The following PIGU variants were observed in gnomAD, a reference collection of about 807,000 sequenced individuals.
PIGU encodes GPI-anchor transamidase component PIGU.
In PIGU, 24 loss-of-function variants were observed where a neutral mutation model predicts 49.9. That is an observed-to-expected ratio of 0.48 (90% CI 0.35 to 0.68). The LOEUF is 0.68. Ranked by LOEUF, PIGU falls within the 30% of genes least tolerant of loss-of-function variation. PIGU has a pLI of 0.01. For synonymous variants in PIGU, 220 were observed against 205.7 expected (o/e 1.07, Z -0.59); for missense variants, 490 against 532.6 (o/e 0.92, Z 0.79).
intron 7 of PIGU, among the ~76,000 whole-genome samples, chr20:34,595,095 C>CAAAAAAAAAAAAAAAAAAA (rs71194627): frequency 2.8e-5 from 2 of 71,334 alleles, no homozygotes; most frequent in African/African-American, 5.7e-5. Context: ...GACTCCGTCT[C>CAAAAAAAAAAAAAAAAAAA]AAAAAAAAAA....
At chr20:34,642,974 AAG>A (rs1431890740) in intron 4 of PIGU, among the ~76,000 whole-genome samples, 2 of 151,794 alleles carry the variant, frequency 1.3e-5, no homozygotes, top group Non-Finnish European at 2.9e-5. Context: ...TATTTCGGAG[AAG>A]AGAACAGTCA....
intron 6 of PIGU, among the ~76,000 whole-genome samples, chr20:34,624,683 C>G (rs1985387381): frequency 6.6e-6 from 1 of 152,210 alleles, no homozygotes; most frequent in African/African-American, 2.4e-5. Flanking sequence ...TTTTAATTAG[C>G]TCACTGAAAG....
intron 1 of PIGU, among the ~76,000 whole-genome samples, chr20:34,666,042 C>T (rs1987079942): frequency 6.6e-6 from 1 of 152,054 alleles, no homozygotes; most frequent in African/African-American, 2.4e-5. Context: ...AAAAATTAGC[C>T]AGGCATGGTG....
Position 34,563,328 on chromosome 20 carries a change from G to A in PIGU, c.1195-2349C>T, listed in dbSNP as rs562715769. Among the ~76,000 whole-genome samples, 247 of 152,288 alleles carry A rather than the reference G, an allele frequency of 1.6e-3. 2 individuals are homozygous for A. Among genetic ancestry groups the A allele is most frequent in the Non-Finnish European group, 2.3e-3 (156 of 68,030 alleles). ...CATGCCTGTAATCCCAGCACTTTGGGAGGCCGAAGCAGGCGGATCACCTGA... is the reference window on the plus strand; with the variant it reads ...CATGCCTGTAATCCCAGCACTTTGGAAGGCCGAAGCAGGCGGATCACCTGA... On this transcript the variant is annotated intron_variant, in intron 11 of 11. Transcript: ENST00000217446.
intron 7 of PIGU, among the ~76,000 whole-genome samples, chr20:34,590,543 G>C (rs958779725): frequency 6.6e-6 from 1 of 151,540 alleles, no homozygotes; most frequent in African/African-American, 2.4e-5. Context: ...CTGGGCAACA[G>C]AGCGAGACTC....
intron 11 of PIGU, among the ~76,000 whole-genome samples, chr20:34,569,014 G>A (rs911602843): frequency 4.6e-5 from 7 of 151,952 alleles, no homozygotes; most frequent in Non-Finnish European, 7.4e-5. Context: ...GTTCGAGCTC[G>A]TAACAACATA....
At chr20:34,575,315 C>T in intron 10 of PIGU, 69 bp from the exon 11 acceptor site, 1 of 1,553,506 alleles carries the variant, frequency 6.4e-7, no homozygotes, top group Non-Finnish European at 8.7e-7. Context: ...CTGCAATGGC[C>T]CCCCTGAATG....
At chr20:34,643,950 AC>A (rs1478216351) in intron 4 of PIGU, 1 of 423,482 alleles carries the variant, frequency 2.4e-6, no homozygotes, top group Non-Finnish European at 4.5e-6. Flanking sequence ...TTAATAAGCT[AC>A]ATAGATGAAG....
At chr20:34,608,808 C>T (rs1449844863) in intron 7 of PIGU, among the ~76,000 whole-genome samples, 1 of 152,156 alleles carries the variant, frequency 6.6e-6, no homozygotes, top group Non-Finnish European at 1.5e-5. Flanking sequence ...GGCCTAAACA[C>T]CATGATTCAC....
rs148128767 is a variant in PIGU, at chr20:34,581,609, C to G, written c.990G>C (p.Pro330=). The change falls in exon 10 of 12, where the codon CCG becomes CCC. Residue 330 remains proline (P), a synonymous_variant. Transcript: ENST00000217446. ...IAVIAIFKSY[P]TVGDVALYMA... ...TGTAGAGCGCCACGTCCCCCACTGT[C>G]GGGTAGGACTTAAAGATGGCGATGA... 6.2e-7 allele frequency: 1 copy of G among 1,613,900 alleles called. No individual in the cohort carries two copies. The highest frequency in any genetic ancestry group is 8.5e-7 in the Non-Finnish European group (1 of 1,179,940).
chr20:34,606,152 G>A (rs1984603097), intron 7 of PIGU, among the ~76,000 whole-genome samples: 1 of 151,732 alleles, frequency 6.6e-6, no homozygotes, highest in Non-Finnish European at 1.5e-5. Flanking sequence ...CTACTTGGGA[G>A]GCTGAGGCAG....
intron 2 of PIGU, among the ~76,000 whole-genome samples, chr20:34,648,081 C>T (rs1986414776): frequency 6.6e-6 from 1 of 151,928 alleles, no homozygotes; most frequent in Admixed American, 6.6e-5. Flanking sequence ...GGAACCCTGC[C>T]TCTACAAAAT....
chr20:34,660,050 A>G (rs1233898777), intron 1 of PIGU, among the ~76,000 whole-genome samples: 1 of 141,084 alleles, frequency 7.1e-6, no homozygotes, highest in Non-Finnish European at 1.5e-5. Context: ...ATGATCAATA[A>G]AAAAAAAAAA....
chr20:34,645,316 G>A lies in PIGU; in HGVS notation c.214C>T (p.Leu72Phe). ...GCATAGTCAATTAGGAAATGAAAGA[G>A]GTATATTATTAATGGAGTCTGCAGA... ...VFHETPLIIY[L>F]FHFLIDYAEL... Residue 72 changes from leucine to phenylalanine, a missense_variant, in exon 3 of 12, where the codon CTC (leucine) becomes TTC (phenylalanine). By Grantham distance (22) the Leu-to-Phe change is conservative. Transcript: ENST00000217446. 1 of 1,571,410 alleles carries A rather than the reference G, an allele frequency of 6.4e-7. No homozygotes were observed. Among genetic ancestry groups the A allele is most frequent in the Non-Finnish European group, 8.6e-7 (1 of 1,165,114 alleles).
intron 7 of PIGU, among the ~76,000 whole-genome samples, chr20:34,604,914 G>T (rs1353048503): frequency 4.6e-5 from 7 of 152,098 alleles, no homozygotes; most frequent in Non-Finnish European, 1.0e-4. Flanking sequence ...GAAAATAAAG[G>T]CCTCAAACCA....
chr20:34,582,388 G>A (rs1983515157), intron 9 of PIGU, among the ~76,000 whole-genome samples: 2 of 152,112 alleles, frequency 1.3e-5, no homozygotes, highest in South Asian at 4.1e-4. Flanking sequence ...CCTCAAGGCA[G>A]GCAATCCTGG....
intron 6 of PIGU, among the ~76,000 whole-genome samples, chr20:34,617,652 T>G (rs1054586364): frequency 2.6e-5 from 4 of 152,252 alleles, no homozygotes; most frequent in Admixed American, 6.5e-5. Context: ...CTTTGGGCTG[T>G]GCACTTTTGG....
chr20:34,639,306 C>A (rs1432877384), intron 4 of PIGU, among the ~76,000 whole-genome samples: 1 of 152,068 alleles, frequency 6.6e-6, no homozygotes, highest in Admixed American at 6.6e-5. Context: ...GAGGCTGAGG[C>A]AGGAGAATGG....
intron 6 of PIGU, among the ~76,000 whole-genome samples, chr20:34,628,425 A>G (rs1306380254): frequency 2.0e-5 from 3 of 152,198 alleles, no homozygotes; most frequent in Non-Finnish European, 4.4e-5. Flanking sequence ...TGAGTGCAAA[A>G]ATTGCTGTAC....
Sources: gnomAD v4.1 joint callset for allele counts (sites outside exome capture counted in the v4.1 genomes callset) on GRCh38, gnomAD v4.1.1 for gene constraint, MANE v1.5 for transcripts, NCBI Gene and HGNC (gene_info 2026-07-23, HGNC 2026-07-21) for gene names.